Variants in ZFP64 observed in about 807,000 individuals in gnomAD.
ZFP64 encodes zinc finger protein 64.
ZFP64 carries 14 observed loss-of-function variants against 51.6 expected under a neutral mutation model. The ratio of observed to expected loss-of-function variants is 0.27; its 90% confidence interval spans 0.18 to 0.42. The LOEUF is 0.42. Ranked by LOEUF, ZFP64 falls within the 10% of genes least tolerant of loss-of-function variation. ZFP64 has a pLI of 1.00. For synonymous variants in ZFP64, 375 were observed against 361.4 expected (o/e 1.04, Z -0.43); for missense variants, 754 against 906.8 (o/e 0.83, Z 2.16).
At chr20:52,187,491 G>A (rs917442065) in intron 1 of ZFP64, among the ~76,000 whole-genome samples, 7 of 152,022 alleles carry the variant, frequency 4.6e-5, no homozygotes, top group Admixed American at 1.3e-4. Context: ...GCATGGTGGT[G>A]TGTGCCTATA....
At chr20:52,176,619 C>T (rs1215846360) in intron 2 of ZFP64, among the ~76,000 whole-genome samples, 2 of 151,582 alleles carry the variant, frequency 1.3e-5, no homozygotes, top group African/African-American at 4.8e-5. Context: ...ACGCCATTCT[C>T]CTGCCTCAGC....
At chr20:52,087,551 T>A (rs945704267) in intron 8 of ZFP64, among the ~76,000 whole-genome samples, 1 of 152,268 alleles carries the variant, frequency 6.6e-6, no homozygotes, top group Non-Finnish European at 1.5e-5. Flanking sequence ...ACTTGGCTCA[T>A]TTTATTCCAT....
At chr20:52,144,326 T>C (rs1315246884) in intron 5 of ZFP64, among the ~76,000 whole-genome samples, 6 of 141,064 alleles carry the variant, frequency 4.3e-5, no homozygotes, top group Non-Finnish European at 7.8e-5. Flanking sequence ...ACACCTACAA[T>C]CCCAGCACTT....
In ZFP64 at chr20:52,097,114, A is replaced by T. The variant is rs1467207844; in HGVS notation, c.976+259T>A. On this transcript the variant is annotated intron_variant, in intron 7 of 8. Transcript: ENST00000361387. Reference sequence around the variant, plus strand: ...TCTCTTCTCAGCAGCTGGCTGCCCTAAAAAAAAAAGCACCTTTAAGAAGCC... The same window carrying T: ...TCTCTTCTCAGCAGCTGGCTGCCCTTAAAAAAAAAGCACCTTTAAGAAGCC... 7.4e-5 allele frequency: 6 copies of T among 80,776 alleles called. No homozygotes were observed. In the Admixed American group the frequency reaches 1.3e-3, roughly 18 times the overall value. The allele number at this position is 80,776 out of a possible 1,614,324, so 5.0% of individuals were successfully genotyped here.
At position 52,153,350 on chromosome 20, in the gene ZFP64, T is replaced by G. The variant is rs1435250066; in HGVS notation, c.842A>C (p.His281Pro). ...GCACTTGAAAGGCTTCTCCCCCGAG[T>G]GCACCCGCATGTGCCTTTTCAAGTC... ...SSDLKRHMRV[H>P]SGEKPFKCEF... Residue 281 changes from histidine (H) to proline (P), a missense_variant, in exon 6 of 6, where the codon CAC becomes CCC. Transcript: ENST00000216923. The surrounding 1 kb of genome is among the most constrained non-coding windows in gnomAD (Gnocchi z 5.1). 3.1e-6 allele frequency: 5 copies of G among 1,614,152 alleles called. No individual in the cohort carries two copies. Among genetic ancestry groups the G allele is most frequent in the Non-Finnish European group, 4.2e-6 (5 of 1,180,042 alleles).
intron 5 of ZFP64, among the ~76,000 whole-genome samples, chr20:52,128,110 A>G (rs1250699004): frequency 6.6e-6 from 1 of 152,190 alleles, no homozygotes. Context: ...CTCCAGAGCA[A>G]GAGGTTGTGT....
chr20:52,150,555 A>AC (rs11431529), downstream of ZFP64, among the ~76,000 whole-genome samples: 30,113 of 152,162 alleles, frequency 0.2, 3,185 homozygotes, highest in Admixed American at 0.26. Context: ...CTTACCAAAA[A>AC]CATAGTTAAT....
At chr20:52,096,196 A>T (rs1022124463) in intron 7 of ZFP64, among the ~76,000 whole-genome samples, 1 of 152,050 alleles carries the variant, frequency 6.6e-6, no homozygotes, top group African/African-American at 2.4e-5. Context: ...CCCCGCTTAA[A>T]ACCATCCCTC....
chr20:52,094,550 C>T (rs1185582600), intron 7 of ZFP64, among the ~76,000 whole-genome samples: 1 of 152,140 alleles, frequency 6.6e-6, no homozygotes, highest in East Asian at 1.9e-4. Context: ...CACTTGAGGC[C>T]AGGAGTTTGA....
intron 7 of ZFP64, among the ~76,000 whole-genome samples, chr20:52,095,212 A>T (rs972451541): frequency 1.3e-5 from 2 of 152,164 alleles, no homozygotes; most frequent in African/African-American, 4.8e-5. Context: ...CGCACAGGAG[A>T]AACTTCCTTT....
rs759594454 is a variant in ZFP64, at chr20:52,153,235, A to T, written c.957T>A (p.His319Gln). 6.2e-7 allele frequency: 1 copy of T among 1,614,246 alleles called. No individual in the cohort carries two copies. The highest frequency in any genetic ancestry group is 8.5e-7 in the Non-Finnish European group (1 of 1,180,046). ...KHSGNNFKCP[H>Q]CDFLGDSKAT... ...CTTTGCTGTCACCCAGGAAGTCGCA[A>T]TGAGGACACTTGAAGTTATTCCCGC... The change falls in exon 6 of 6, where the codon CAT becomes CAA. Residue 319 changes from histidine to glutamine, a missense_variant. His to Gln is a conservative substitution (Grantham distance 24). Coordinates refer to ENST00000216923, the MANE Select transcript of ZFP64 (RefSeq NM_018197.3). The surrounding 1 kb of genome is among the most constrained non-coding windows in gnomAD (Gnocchi z 5.1).
rs1399386430 is a variant in ZFP64 at position 52,164,662 on chromosome 20, T to G, written c.511+33A>C. 3 of 1,592,176 alleles carry G rather than the reference T, an allele frequency of 1.9e-6. No homozygotes were observed. The Admixed American group carries it at 5.0e-5, about 27-fold the overall frequency. ...CCATCTCCTAGCACAGAGCAGGTGT[T>G]GAGGGCATATGCGCTAAAGAAATGC... is the stretch of plus-strand genomic sequence containing the variant. On this transcript the variant is annotated intron_variant, in intron 4 of 5. Transcript: ENST00000216923.
chr20:52,173,068 G>A (rs934197596), intron 2 of ZFP64, among the ~76,000 whole-genome samples: 6 of 151,868 alleles, frequency 4.0e-5, no homozygotes, highest in Admixed American at 2.6e-4. Flanking sequence ...GGAGTCTTAG[G>A]GCTCACATGA....
intron 5 of ZFP64, chr20:52,104,613 C>T (rs764680527): frequency 2.2e-5 from 10 of 453,516 alleles, no homozygotes; most frequent in South Asian, 4.9e-5. Context: ...GGTCCCTGCG[C>T]TTCTGTTCCC....
At chr20:52,144,501 A>C (rs948592375) in intron 5 of ZFP64, among the ~76,000 whole-genome samples, 16 of 141,690 alleles carry the variant, frequency 1.1e-4, no homozygotes, top group African/African-American at 4.1e-4. Flanking sequence ...AATCGCTTGA[A>C]TTCGAGAGGT....
chr20:52,129,078 TA>T (rs1979587175), intron 5 of ZFP64, among the ~76,000 whole-genome samples: 1 of 120,870 alleles, frequency 8.3e-6, no homozygotes, highest in African/African-American at 3.0e-5. Context: ...CACTCCTGGC[TA>T]ATTTTTTTTT....
chr20:52,085,748 G>A lies in ZFP64; in HGVS notation c.1229-482C>T, dbSNP rs2078857370. 6.6e-6 allele frequency among the ~76,000 whole-genome samples: 1 copy of A among 152,136 alleles called. No homozygotes were observed. Among genetic ancestry groups the A allele is most frequent in the Non-Finnish European group, 1.5e-5 (1 of 68,020 alleles). ...ATCAGTTATTGAGCTTGTATTTCAAGTTAAAGTTTCTTACTTTTATAACTA... is the reference window on the plus strand; with the variant it reads ...ATCAGTTATTGAGCTTGTATTTCAAATTAAAGTTTCTTACTTTTATAACTA... On this transcript the variant is annotated intron_variant, in intron 8 of 8. Transcript: ENST00000361387. The surrounding 1 kb of genome is among the most constrained non-coding windows in gnomAD (Gnocchi z 4.3).
In ZFP64 at chr20:52,153,135, A is replaced by G. The variant is rs992543778; in HGVS notation, c.1057T>C (p.Ser353Pro). 1.2e-6 allele frequency: 2 copies of G among 1,614,048 alleles called. No individual in the cohort carries two copies. The highest frequency in any genetic ancestry group is 1.3e-5 in the African/African-American group (1 of 74,916). ...EKCSECSYSCSSKAALRIHER... is the reference protein window; with the variant it reads ...EKCSECSYSCPSKAALRIHER... ...TGGATGCGCAGGGCGGCCTTGCTGG[A>G]GCAGGAGTAGCTGCATTCCGAGCAC... The change falls in exon 6 of 6, where the codon TCC becomes CCC. Residue 353 changes from serine (S) to proline (P), a missense_variant. Ser to Pro is a moderately conservative substitution (Grantham distance 74). Around this residue, in one of 3 missense-constraint regions of ZFP64, gnomAD observed 428 missense variants for 472.4 expected, o/e 0.91. Transcript: ENST00000216923. The surrounding 1 kb of genome is among the most constrained non-coding windows in gnomAD (Gnocchi z 5.1).
In ZFP64 at chr20:52,121,217, G is replaced by A. The variant is rs567815177; in HGVS notation, c.764-22630C>T. 5.1e-4 allele frequency among the ~76,000 whole-genome samples: 77 copies of A among 152,248 alleles called. 1 individual carries two copies. The highest frequency in any genetic ancestry group is 4.1e-4 in the South Asian group (2 of 4,824). Reference sequence around the variant, plus strand: ...GTGTTCATGTGAAAGGGAGGGTGGTGCATCTCTCACTTTAAATCACAAGCT... The same window carrying A: ...GTGTTCATGTGAAAGGGAGGGTGGTACATCTCTCACTTTAAATCACAAGCT... On this transcript the variant is annotated intron_variant, in intron 5 of 8. Coordinates refer to the ZFP64 transcript ENST00000361387.
Sources: gnomAD v4.1 joint callset for allele counts (sites outside exome capture counted in the v4.1 genomes callset) on GRCh38, gnomAD v4.1.1 for gene constraint, gnomAD v4.1.1 regional missense constraint, Gnocchi (gnomAD v3.1) non-coding constraint, MANE v1.5 for transcripts, NCBI Gene and HGNC (gene_info 2026-07-23, HGNC 2026-07-21) for gene names.